Variants in RCAN1 observed in about 807,000 individuals in gnomAD.
RCAN1 encodes regulator of calcineurin 1.
A neutral mutation model predicts 22.9 loss-of-function variants in RCAN1; 11 were observed. The ratio of observed to expected loss-of-function variants is 0.48; its 90% CI spans 0.30 to 0.79. RCAN1 has a LOEUF of 0.79. Among genes scored for constraint, RCAN1 ranks in the 30% least tolerant of loss-of-function variants. RCAN1 has a pLI of 0.06. For missense variants in RCAN1, 291 were observed against 337.8 expected, an observed-to-expected ratio of 0.86 and a Z score of 1.09; for synonymous variants, 136 against 142.3, an observed-to-expected ratio of 0.96 and a Z score of 0.32.
intron 1 of RCAN1, among the ~76,000 whole-genome samples, chr21:34,579,220 C>G (rs569748274): frequency 7.9e-5 from 12 of 152,014 alleles, no homozygotes; most frequent in Non-Finnish European, 1.2e-4. Flanking sequence ...CATGGCAAAA[C>G]CTAGTTTCTA....
chr21:34,542,346 C>G (rs1265276512), intron 1 of RCAN1, among the ~76,000 whole-genome samples: 5 of 152,280 alleles, frequency 3.3e-5, no homozygotes, highest in Admixed American at 3.3e-4. Context: ...AAAAGCCATG[C>G]CCTTCTGCCT....
At chr21:34,548,478 G>GT (rs1439818641) in intron 1 of RCAN1, among the ~76,000 whole-genome samples, 2 of 152,092 alleles carry the variant, frequency 1.3e-5, no homozygotes, top group Non-Finnish European at 1.5e-5. Context: ...GGAAAGTAGA[G>GT]TTTTCAAAAG....
At chr21:34,561,109 A>G (rs1190486019) in intron 1 of RCAN1, among the ~76,000 whole-genome samples, 1 of 152,130 alleles carries the variant, frequency 6.6e-6, no homozygotes, top group Non-Finnish European at 1.5e-5. Context: ...CCGCCCTGTG[A>G]AGAAGGTTGC....
At position 34,614,184 on chromosome 21, in the gene RCAN1, T is replaced by C. The variant is rs544456600; in HGVS notation, c.252+576A>G. ...CAAGGGGGCAAGGTTCTTGACTAAA[T>C]ATCCTAAAGGTCTGAAAGATGGTCC... On this transcript the variant is annotated intron_variant, in intron 1 of 3. Coordinates refer to ENST00000313806, the MANE Select transcript of RCAN1 (RefSeq NM_004414.7). This position sits in a 1 kb window ranked among gnomAD's most constrained non-coding sequence, Gnocchi z 6.0. 649 of 946,810 alleles carry C rather than the reference T, an allele frequency of 6.9e-4. 1 individual carries two copies. Among genetic ancestry groups the C allele is most frequent in the South Asian group, 1.5e-3 (31 of 20,090 alleles). 58.7% of individuals were successfully genotyped at this position (946,810 alleles called of 1,614,324 possible). A position where few individuals can be genotyped will look rare whatever the true frequency, so the allele number is the denominator to read the frequency against.
intron 1 of RCAN1, chr21:34,525,018 G>T: frequency 6.5e-7 from 1 of 1,537,218 alleles, no homozygotes; most frequent in East Asian, 2.5e-5. Context: ...AGGCAGAAGG[G>T]GCTGGCCAGG....
chr21:34,537,760 T>C (rs1601150996), intron 1 of RCAN1, among the ~76,000 whole-genome samples: 1 of 152,240 alleles, frequency 6.6e-6, no homozygotes, highest in East Asian at 1.9e-4. Context: ...CTCAAGCTGT[T>C]CTATGCCTAA....
In RCAN1 at chr21:34,521,493, GC is replaced by G; in HGVS notation, c.586+5del. The G allele has an allele frequency of 4.3e-6, 7 of 1,614,140 alleles. No individual in the cohort carries two copies. Among genetic ancestry groups the G allele is most frequent in the Non-Finnish European group, 5.9e-6 (7 of 1,180,036 alleles). On this transcript the variant is annotated splice_donor_5th_base_variant and intron_variant, in intron 3 of 3. Coordinates refer to ENST00000313806, the MANE Select transcript of RCAN1 (RefSeq NM_004414.7). ...TGCCTCCCTCCCACCCGAGGGCCCT[GC>G]TCACCTGGCCCCAGCTTGGAGATGG...
intron 1 of RCAN1, among the ~76,000 whole-genome samples, chr21:34,611,705 A>G (rs756796270): frequency 6.6e-6 from 1 of 152,194 alleles, no homozygotes; most frequent in Non-Finnish European, 1.5e-5. Flanking sequence ...CACCAACCTA[A>G]AGTAGATTTA....
chr21:34,538,402 G>A (rs1353363973), intron 1 of RCAN1, among the ~76,000 whole-genome samples: 1 of 152,098 alleles, frequency 6.6e-6, no homozygotes, highest in African/African-American at 2.4e-5. Context: ...CCATCCTGAG[G>A]GAGGACACAG....
At chr21:34,599,410 G>A (rs932057051) in intron 1 of RCAN1, among the ~76,000 whole-genome samples, 1 of 152,086 alleles carries the variant, frequency 6.6e-6, no homozygotes, top group Non-Finnish European at 1.5e-5. Context: ...GGAGGTGGAG[G>A]TTGCAGTGAG....
At chr21:34,562,954 C>A (rs1049095265) in intron 1 of RCAN1, among the ~76,000 whole-genome samples, 1 of 152,194 alleles carries the variant, frequency 6.6e-6, no homozygotes, top group Non-Finnish European at 1.5e-5. Flanking sequence ...TATTAAGTTG[C>A]CTATTTTGTT....
At chr21:34,547,164 C>T (rs1336181909) in intron 1 of RCAN1, among the ~76,000 whole-genome samples, 1 of 152,172 alleles carries the variant, frequency 6.6e-6, no homozygotes, top group African/African-American at 2.4e-5. Context: ...GCGAAGGGTT[C>T]GGGTTCCACG....
intron 1 of RCAN1, among the ~76,000 whole-genome samples, chr21:34,571,945 AT>A (rs1987248580): frequency 6.6e-6 from 1 of 152,188 alleles, no homozygotes; most frequent in African/African-American, 2.4e-5. Flanking sequence ...CAAAGACCTA[AT>A]TTAATCACCA....
chr21:34,531,953 G>C (rs1319426300), intron 1 of RCAN1, among the ~76,000 whole-genome samples: 1 of 152,110 alleles, frequency 6.6e-6, no homozygotes, highest in African/African-American at 2.4e-5. Context: ...CGACAAGGCA[G>C]ACTTTATTCA....
intron 1 of RCAN1, among the ~76,000 whole-genome samples, chr21:34,605,227 G>T (rs147295599): frequency 6.6e-6 from 1 of 152,300 alleles, no homozygotes; most frequent in Non-Finnish European, 1.5e-5. Context: ...GACTAAACTG[G>T]CTTAGCCTCT....
chr21:34,562,480 G>C (rs904811778), intron 1 of RCAN1, among the ~76,000 whole-genome samples: 1 of 152,200 alleles, frequency 6.6e-6, no homozygotes, highest in South Asian at 2.1e-4. Flanking sequence ...TGATGTGGGA[G>C]AGCAGAGGCG....
At chr21:34,520,641 C>T (rs1240462949) in intron 3 of RCAN1, among the ~76,000 whole-genome samples, 1 of 152,186 alleles carries the variant, frequency 6.6e-6, no homozygotes, top group East Asian at 1.9e-4. Context: ...ATTTGACTTG[C>T]TCCACGGACA....
chr21:34,558,712 G>A (rs1986678618), intron 1 of RCAN1, among the ~76,000 whole-genome samples: 1 of 152,226 alleles, frequency 6.6e-6, no homozygotes, highest in Non-Finnish European at 1.5e-5. Context: ...AAAGGACACT[G>A]GTTCTAGGAG....
At chr21:34,546,375 T>A (rs2123635905) in intron 1 of RCAN1, among the ~76,000 whole-genome samples, 1 of 142,518 alleles carries the variant, frequency 7.0e-6, no homozygotes, top group South Asian at 2.1e-4. Flanking sequence ...ACTTATTAGT[T>A]TTTTTTTTTT....
Sources: allele counts gnomAD v4.1 joint callset (sites outside exome capture counted in the v4.1 genomes callset), GRCh38; gene constraint gnomAD v4.1.1; non-coding constraint Gnocchi (gnomAD v3.1); transcripts MANE v1.5; gene names NCBI Gene and HGNC (gene_info 2026-07-23, HGNC 2026-07-21).